The following SACS variants were observed in gnomAD, a reference collection of about 807,000 sequenced individuals.
SACS encodes the protein sacsin.
In SACS, 197 loss-of-function variants were observed where a neutral mutation model predicts 348.0. The ratio of observed to expected loss-of-function variants is 0.57; its 90% CI spans 0.50 to 0.64. The LOEUF is 0.64. Ranked by LOEUF, SACS falls within the 30% of genes least tolerant of loss-of-function variation. The probability of loss-of-function intolerance (pLI) is 0.00; values close to 1 mark genes in which losing one functional copy is unlikely to be tolerated. For synonymous variants in SACS, 1,985 were observed against 1,910.6 expected, an observed-to-expected ratio of 1.04 and a Z score of -1.02; for missense variants, 4,999 against 5,360.8, an observed-to-expected ratio of 0.93 and a Z score of 2.11.
intron 2 of SACS, among the ~76,000 whole-genome samples, chr13:23,382,787 T>G (rs1472610088): frequency 1.4e-5 from 2 of 146,758 alleles, no homozygotes; most frequent in Non-Finnish European, 3.0e-5. Flanking sequence ...TGTGTGGTTT[T>G]TGTTTTTTTT....
intron 6 of SACS, among the ~76,000 whole-genome samples, chr13:23,364,854 G>A (rs1177189527): frequency 6.6e-6 from 1 of 152,164 alleles, no homozygotes; most frequent in African/African-American, 2.4e-5. Flanking sequence ...GCAGGAAAGT[G>A]TTACTATACA....
intron 1 of SACS, among the ~76,000 whole-genome samples, chr13:23,420,752 T>A (rs1281482961): frequency 2.6e-5 from 4 of 152,046 alleles, no homozygotes; most frequent in African/African-American, 9.7e-5. Flanking sequence ...GGACCTAGAT[T>A]GAACCTGAGG....
chr13:23,338,466 G>T lies in SACS; in HGVS notation c.5410C>A (p.Pro1804Thr). 6.2e-7 allele frequency: 1 copy of T among 1,614,120 alleles called. No individual in the cohort carries two copies. Among genetic ancestry groups the T allele is most frequent in the Non-Finnish European group, 8.5e-7 (1 of 1,180,010 alleles). The change falls in exon 10 of 10, where the codon CCA (proline) becomes ACA (threonine). Residue 1804 changes from proline to threonine, a missense_variant. Physicochemically the swap from Pro to Thr is conservative, Grantham distance 38. Transcript: ENST00000382292. Reference protein sequence around the residue: ...EMAKSGQSKKPSDELSQKTVE... With the variant: ...EMAKSGQSKKTSDELSQKTVE... ...GTTTTCTGTGACAACTCATCTGATG[G>T]CTTTTTTGATTGGCCAGACTTAGCC... is the stretch of plus-strand genomic sequence containing the variant.
chr13:23,368,546 A>G (rs1012172963), intron 4 of SACS, 59 bp from the exon 5 acceptor site: 2 of 1,197,380 alleles, frequency 1.7e-6, no homozygotes, highest in African/African-American at 1.5e-5. Context: ...ATTGTCACCA[A>G]TGTGTGACTT....
chr13:23,413,270 G>A (rs1259962497), intron 1 of SACS, among the ~76,000 whole-genome samples: 2 of 152,202 alleles, frequency 1.3e-5, no homozygotes, highest in Non-Finnish European at 2.9e-5. Context: ...GAGCCACTGC[G>A]CCCGGCCGGC....
intron 2 of SACS, among the ~76,000 whole-genome samples, chr13:23,375,789 G>C (rs116757777): frequency 7.8e-5 from 11 of 141,108 alleles, no homozygotes; most frequent in African/African-American, 2.8e-4. Flanking sequence ...GCCCCGCCCC[G>C]CCTGCAGAGG....
At chr13:23,423,226 T>A (rs1034154119) in intron 1 of SACS, among the ~76,000 whole-genome samples, 3 of 152,122 alleles carry the variant, frequency 2.0e-5, no homozygotes, top group African/African-American at 7.2e-5. Flanking sequence ...GGCTATTAGG[T>A]CTATATATGA....
chr13:23,381,493 A>G (rs576704017), intron 2 of SACS, among the ~76,000 whole-genome samples: 2 of 152,152 alleles, frequency 1.3e-5, no homozygotes, highest in Non-Finnish European at 2.9e-5. Flanking sequence ...ATACACAAGC[A>G]TGAATTATAG....
chr13:23,354,670 G>A lies in SACS; in HGVS notation c.1942C>T (p.Leu648Phe). Residue 648 changes from leucine to phenylalanine, a missense_variant, in exon 8 of 10, where the codon CTT becomes TTT. Leu to Phe is a conservative substitution (Grantham distance 22). Coordinates refer to ENST00000382292, the MANE Select transcript of SACS (RefSeq NM_014363.6). ...GAAAGCACAAATTCTAGAAGGTGAA[G>A]CTTTTCTTCAGCACAGCCCAGGTGT... is the stretch of plus-strand genomic sequence containing the variant. ...CAHLGCAEEK[L>F]HLLEFVLSDQ... is the part of the protein sequence containing the mutation. The A allele has an allele frequency of 6.2e-7, 1 of 1,614,190 alleles. No individual in the cohort carries two copies. Among genetic ancestry groups the A allele is most frequent in the South Asian group, 1.1e-5 (1 of 91,090 alleles).
intron 1 of SACS, among the ~76,000 whole-genome samples, chr13:23,418,656 C>T (rs2137985354): frequency 6.6e-6 from 1 of 152,254 alleles, no homozygotes; most frequent in South Asian, 2.1e-4. Flanking sequence ...CAGGCACCTG[C>T]CACCAAGCCC....
rs1250712007 is a variant in SACS, at chr13:23,396,010, C to A, written c.20+15210G>T. Among the ~76,000 whole-genome samples the A allele has an allele frequency of 2.0e-5, 3 of 152,142 alleles. No homozygotes were observed. The East Asian group carries it at 5.8e-4, about 29-fold the overall frequency. On this transcript the variant is annotated intron_variant, in intron 2 of 9. Coordinates refer to ENST00000382292, the MANE Select transcript of SACS (RefSeq NM_014363.6). ...CTTTAAGGATTTCTATTCACATTGG[C>A]TTAGAGATAAATCAGAACTTATATA...
intron 7 of SACS, among the ~76,000 whole-genome samples, chr13:23,358,060 A>G (rs1870505344): frequency 6.6e-6 from 1 of 152,230 alleles, no homozygotes; most frequent in African/African-American, 2.4e-5. Context: ...GTATTTCCAC[A>G]TCAAATGGCT....
chr13:23,332,979 A>C lies in SACS; in HGVS notation c.10897T>G (p.Phe3633Val), dbSNP rs1382541188. The change falls in exon 10 of 10, where the codon TTC becomes GTC. Residue 3633 changes from phenylalanine (F) to valine (V), a missense_variant. This residue lies in a region of SACS where 831 missense variants were observed against 941.8 expected (regional missense o/e 0.88). Transcript: ENST00000382292. ...NTVDILLHHI[F>V]QERMDLLSGN... is the part of the protein sequence containing the mutation. Reference sequence around the variant, plus strand: ...GATAACAAATCCATTCGTTCTTGGAATATATGATGCAGAAGGATATCAACT... The same window carrying C: ...GATAACAAATCCATTCGTTCTTGGACTATATGATGCAGAAGGATATCAACT... 1.2e-6 allele frequency: 2 copies of C among 1,613,788 alleles called. No homozygotes were observed. The highest frequency in any genetic ancestry group is 2.7e-5 in the African/African-American group (2 of 74,944).
intron 2 of SACS, among the ~76,000 whole-genome samples, chr13:23,397,368 A>T (rs1446660804): frequency 6.6e-6 from 1 of 152,052 alleles, no homozygotes; most frequent in Non-Finnish European, 1.5e-5. Context: ...AAGTTGTAAA[A>T]GGTTTGTGAG....
intron 2 of SACS, among the ~76,000 whole-genome samples, chr13:23,406,829 C>T (rs1386116733): frequency 2.0e-5 from 3 of 152,178 alleles, no homozygotes; most frequent in African/African-American, 7.2e-5. Flanking sequence ...AACAATCTTA[C>T]TTTGGTTATC....
intron 1 of SACS, among the ~76,000 whole-genome samples, chr13:23,429,823 A>G (rs897665801): frequency 2.7e-4 from 41 of 152,170 alleles, no homozygotes; most frequent in African/African-American, 8.9e-4. Flanking sequence ...TTTTATTACT[A>G]TTCTTAGCAG....
At chr13:23,369,558 T>C (rs548120211) in intron 4 of SACS, among the ~76,000 whole-genome samples, 2 of 152,202 alleles carry the variant, frequency 1.3e-5, no homozygotes, top group South Asian at 4.1e-4. Context: ...CTTTTTTTTT[T>C]TTTTCAGACG....
At chr13:23,364,576 C>T (rs773103148) in intron 6 of SACS, among the ~76,000 whole-genome samples, 9 of 152,234 alleles carry the variant, frequency 5.9e-5, no homozygotes, top group Non-Finnish European at 2.9e-5. Context: ...CCACCGCACC[C>T]AGCCAGAGGT....
intron 9 of SACS, among the ~76,000 whole-genome samples, chr13:23,342,443 G>A (rs1405014824): frequency 1.3e-5 from 2 of 152,140 alleles, no homozygotes; most frequent in Non-Finnish European, 2.9e-5. Context: ...TAAAGGCTGA[G>A]TATCCCTTAT....
Sources: allele counts gnomAD v4.1 joint callset (sites outside exome capture counted in the v4.1 genomes callset), GRCh38; gene constraint gnomAD v4.1.1; regional missense constraint gnomAD v4.1.1; transcripts MANE v1.5; gene names NCBI Gene and HGNC (gene_info 2026-07-23, HGNC 2026-07-21).